P2RY12: variants seen among roughly 807,000 people sequenced by gnomAD.
The protein encoded by P2RY12 is purinergic receptor P2Y12.
P2RY12 carries 3 observed loss-of-function variants against 4.5 expected under a neutral mutation model. The observed-to-expected ratio is 0.67, with a 90% CI of 0.31 to 1.74. P2RY12 has a LOEUF of 1.74. Ranked by LOEUF, P2RY12 falls within the 40% of genes most tolerant of loss-of-function variation. P2RY12 has a pLI of 0.09. For missense variants in P2RY12, 356 were observed against 407.8 expected (o/e 0.87, Z 1.09); for synonymous variants, 148 against 154.1 (o/e 0.96, Z 0.29).
Position 151,383,752 on chromosome 3 carries a change from A to C in P2RY12, c.-180+940T>G, listed in dbSNP as rs747222814. On this transcript the variant is annotated intron_variant, in intron 1 of 2. Coordinates refer to ENST00000302632, the MANE Select transcript of P2RY12 (RefSeq NM_022788.5). ...TGTTCTTTCTGTTTTACAGAATGCA[A>C]ATATCTTACTGTATTTTGTCTGCTA... 2.7e-6 allele frequency: 4 copies of C among 1,470,310 alleles called. No individual in the cohort carries two copies. The Admixed American group carries it at 5.5e-5, about 20-fold the overall frequency. 91.1% of individuals were successfully genotyped at this position (1,470,310 alleles called of 1,614,324 possible).
At chr3:151,351,973 G>A (rs997274118) in intron 1 of P2RY12, among the ~76,000 whole-genome samples, 1 of 152,202 alleles carries the variant, frequency 6.6e-6, no homozygotes, top group Non-Finnish European at 1.5e-5. Context: ...TTGAGAAACA[G>A]GTGAGGTATT....
At chr3:151,353,421 G>A (rs568694459) in intron 1 of P2RY12, among the ~76,000 whole-genome samples, 2 of 152,282 alleles carry the variant, frequency 1.3e-5, no homozygotes, top group African/African-American at 4.8e-5. Context: ...AAATAAGCAG[G>A]TTTAATGAAT....
At chr3:151,341,798 G>T (rs556306690) in intron 1 of P2RY12, among the ~76,000 whole-genome samples, 7 of 148,844 alleles carry the variant, frequency 4.7e-5, no homozygotes, top group Non-Finnish European at 7.4e-5. Context: ...TCATTGTTCA[G>T]TTCCCACCTA....
intron 1 of P2RY12, among the ~76,000 whole-genome samples, chr3:151,351,079 C>T (rs762478836): frequency 6.6e-5 from 10 of 152,022 alleles, no homozygotes; most frequent in Non-Finnish European, 1.3e-4. Context: ...TGGTATAAAC[C>T]ACCTCTAGGA....
At chr3:151,362,172 T>G (rs6793061) in intron 1 of P2RY12, among the ~76,000 whole-genome samples, 33,396 of 151,754 alleles carry the variant, frequency 0.22, 3,781 homozygotes, top group South Asian at 0.31. Flanking sequence ...CATTGCAGAG[T>G]TCTTCTAACT....
intron 1 of P2RY12, among the ~76,000 whole-genome samples, chr3:151,380,899 C>G (rs1712205138): frequency 6.6e-6 from 1 of 152,320 alleles, no homozygotes; most frequent in African/African-American, 2.4e-5. Flanking sequence ...GCCACATTAT[C>G]AGGCACGCTT....
chr3:151,375,970 C>CATATATATATATAT (rs148538586), intron 1 of P2RY12: 28,565 of 801,388 alleles, frequency 0.036, 826 homozygotes, highest in African/African-American at 0.15. Context: ...GTACATATTG[C>CATATATATATATAT]ATATATATAT....
chr3:151,368,736 T>TG (rs1275925466), intron 1 of P2RY12, among the ~76,000 whole-genome samples: 27 of 101,610 alleles, frequency 2.7e-4, no homozygotes, highest in Admixed American at 4.4e-4. Flanking sequence ...TTTCATTTCA[T>TG]TTCATTTCAT....
At chr3:151,371,797 A>C (rs886226403) in intron 1 of P2RY12, among the ~76,000 whole-genome samples, 1 of 152,160 alleles carries the variant, frequency 6.6e-6, no homozygotes, top group Non-Finnish European at 1.5e-5. Flanking sequence ...TTACTCTCTC[A>C]CTTTTAAAAT....
At chr3:151,381,353 CAT>C (rs1712305522) in intron 1 of P2RY12, among the ~76,000 whole-genome samples, 1 of 152,192 alleles carries the variant, frequency 6.6e-6, no homozygotes, top group African/African-American at 2.4e-5. Context: ...ATGGAAGTCA[CAT>C]ATTACCTCAG....
intron 1 of P2RY12, chr3:151,365,730 T>A: frequency 1.1e-6 from 1 of 892,938 alleles, no homozygotes; most frequent in East Asian, 2.5e-5. Flanking sequence ...GTATTTTATC[T>A]GTGAATCTAA....
chr3:151,343,614 T>C (rs995014182), intron 1 of P2RY12, among the ~76,000 whole-genome samples: 6 of 148,952 alleles, frequency 4.0e-5, no homozygotes, highest in African/African-American at 1.2e-4. Context: ...AATCTCTCAT[T>C]AGTAAATAAC....
chr3:151,380,383 G>A (rs1712048770), intron 1 of P2RY12, among the ~76,000 whole-genome samples: 1 of 152,098 alleles, frequency 6.6e-6, no homozygotes, highest in Non-Finnish European at 1.5e-5. Context: ...GATCACCTGA[G>A]GCCAGGAGTT....
chr3:151,338,177 C>T lies in P2RY12; in HGVS notation c.669G>A (p.Thr223=), dbSNP rs112155006. The change falls in exon 3 of 3, where the codon ACG becomes ACA. Residue 223 remains threonine, a synonymous_variant. Coordinates refer to ENST00000302632, the MANE Select transcript of P2RY12 (RefSeq NM_022788.5). The part of the protein sequence containing the change: ...TKELYRSYVR[T]RGVGKVPRKK... ...TCCTGGGGACTTTACCTACACCCCT[C>T]GTTCTTACGTATGACCGGTACAGTT... 355 of 1,614,002 alleles carry T rather than the reference C, an allele frequency of 2.2e-4. No homozygotes were observed. Among genetic ancestry groups the T allele is most frequent in the African/African-American group, 7.5e-4 (56 of 75,022 alleles).
At chr3:151,365,967 T>C in intron 1 of P2RY12, 2 of 1,611,708 alleles carry the variant, frequency 1.2e-6, no homozygotes, top group African/African-American at 1.3e-5. Context: ...TGTGGGGGTT[T>C]AATGATGTAC....
intron 1 of P2RY12, chr3:151,365,313 A>G: frequency 2.2e-6 from 2 of 902,922 alleles, no homozygotes; most frequent in Non-Finnish European, 1.7e-6. Flanking sequence ...TTTGGCTATC[A>G]TTTGCTTTTT....
chr3:151,345,608 C>T (rs1752438537), intron 1 of P2RY12, among the ~76,000 whole-genome samples: 1 of 150,346 alleles, frequency 6.7e-6, no homozygotes, highest in South Asian at 2.1e-4. Context: ...ACCTCTGCCT[C>T]CCAGGTTCAA....
rs1375164710 is a variant in P2RY12, at chr3:151,338,675, T to C, written c.171A>G (p.Ser57=). 1.2e-6 allele frequency: 2 copies of C among 1,613,790 alleles called. No homozygotes were observed. The highest frequency in any genetic ancestry group is 2.2e-5 in the South Asian group (2 of 91,048). The change falls in exon 3 of 3, where the codon TCA becomes TCG. Residue 57 remains serine, a synonymous_variant. Coordinates refer to ENST00000302632, the MANE Select transcript of P2RY12 (RefSeq NM_022788.5). ...TGTTCTTAAGAAAAATAATAAAGTT[T>C]GATTTACTCCGGATTTGAAAGAAAA... ...MRIFFQIRSK[S]NFIIFLKNTV...
intron 1 of P2RY12, chr3:151,378,314 C>A: frequency 1.2e-6 from 1 of 864,334 alleles, no homozygotes; most frequent in Non-Finnish European, 1.6e-6. Flanking sequence ...TTCTATTAGG[C>A]AAGGCTGTCT....
Sources: allele counts gnomAD v4.1 joint callset (sites outside exome capture counted in the v4.1 genomes callset), GRCh38; gene constraint gnomAD v4.1.1; transcripts MANE v1.5; gene names NCBI Gene and HGNC (gene_info 2026-07-23, HGNC 2026-07-21).